The following SVIL variants were observed in gnomAD, a reference collection of about 807,000 sequenced individuals.
SVIL encodes archvillin.
A neutral mutation model predicts 240.4 loss-of-function variants in SVIL; 101 were observed. The observed-to-expected ratio is 0.42, with a 90% CI of 0.36 to 0.50. The LOEUF is 0.50. SVIL is among the 20% of genes least tolerant of loss of function. The pLI is 0.01. For missense variants in SVIL, 2,512 were observed against 2,818.7 expected, an observed-to-expected ratio of 0.89 and a Z score of 2.46; for synonymous variants, 999 against 1,100.0, an observed-to-expected ratio of 0.91 and a Z score of 1.82.
In SVIL at chr10:29,500,849, C is replaced by G. The variant is rs144610784; in HGVS notation, c.3517-1586G>C. On this transcript the variant is annotated intron_variant, in intron 17 of 37. Coordinates refer to ENST00000355867, the MANE Select transcript of SVIL (RefSeq NM_021738.3). ...CACTATGGCAAACCACTTCCCTTCA[C>G]TGACCCACGAGAGAGAACTTCCTGA... Among the ~76,000 whole-genome samples, 336 of 152,292 alleles carry G rather than the reference C, an allele frequency of 2.2e-3. 5 individuals carry two copies. The South Asian group carries it at 0.025, about 11-fold the overall frequency.
At chr10:29,476,663 C>A (rs961801769) in intron 29 of SVIL, among the ~76,000 whole-genome samples, 1 of 152,156 alleles carries the variant, frequency 6.6e-6, no homozygotes, top group Non-Finnish European at 1.5e-5. Flanking sequence ...CCTCAGCTTC[C>A]CAAAACTCTG....
intron 1 of SVIL, among the ~76,000 whole-genome samples, chr10:29,584,069 G>T (rs1436596486): frequency 2.6e-5 from 4 of 152,218 alleles, no homozygotes; most frequent in African/African-American, 4.8e-5. Context: ...TGAGTGTGAC[G>T]AAGGAAGGCT....
rs1588851004 is a variant in SVIL at position 29,471,362 on chromosome 10, G to A, written c.5530-119C>T. On this transcript the variant is annotated intron_variant, in intron 30 of 37. Coordinates refer to ENST00000355867, the MANE Select transcript of SVIL (RefSeq NM_021738.3). ...CCAAGACGTACAAACAAAAGCCATT[G>A]CTAACACTACCACCTAAAGAGAAGC... 4.0e-6 allele frequency: 3 copies of A among 745,216 alleles called. No individual in the cohort carries two copies. The East Asian group carries it at 8.4e-5, about 21-fold the overall frequency. The allele number at this position is 745,216 out of a possible 1,614,324, so 46.2% of individuals were successfully genotyped here. A position where few individuals can be genotyped will look rare whatever the true frequency, so the allele number is the denominator to read the frequency against.
chr10:29,491,207 G>C (rs1344347681), intron 21 of SVIL, among the ~76,000 whole-genome samples, 188 bp from the exon 22 acceptor site: 1 of 152,174 alleles, frequency 6.6e-6, no homozygotes, highest in Non-Finnish European at 1.5e-5. Context: ...AGCCCACTGA[G>C]TTCAAATCTC....
intron 1 of SVIL, among the ~76,000 whole-genome samples, chr10:29,689,573 C>G (rs878896347): frequency 1.2e-4 from 19 of 152,338 alleles, no homozygotes; most frequent in Admixed American, 3.3e-4. Context: ...CGCGAGCCAC[C>G]GCGCCCAGCC....
intron 1 of SVIL, among the ~76,000 whole-genome samples, chr10:29,721,427 T>G (rs1963972516): frequency 6.6e-6 from 1 of 151,558 alleles, no homozygotes; most frequent in African/African-American, 2.4e-5. Context: ...CTAATTTTCA[T>G]ATTGGGGAAA....
chr10:29,607,990 C>G (rs939168722), intron 1 of SVIL, among the ~76,000 whole-genome samples: 1 of 152,204 alleles, frequency 6.6e-6, no homozygotes, highest in Admixed American at 6.5e-5. Flanking sequence ...AATGTAGATG[C>G]GCTGCAAGAC....
At chr10:29,564,770 A>G (rs1954827274) in intron 2 of SVIL, among the ~76,000 whole-genome samples, 1 of 152,198 alleles carries the variant, frequency 6.6e-6, no homozygotes, top group African/African-American at 2.4e-5. Context: ...GTGTGTTCAC[A>G]TTATTTAATG....
chr10:29,570,757 C>CT lies in SVIL; in HGVS notation c.-200-1446dup, dbSNP rs1471529239. Among the ~76,000 whole-genome samples the CT allele has an allele frequency of 3.3e-5, 5 of 152,166 alleles. No individual in the cohort carries two copies. In the East Asian group the frequency reaches 9.6e-4, roughly 29 times the overall value. On this transcript the variant is annotated intron_variant, in intron 1 of 37. Transcript: ENST00000355867. The stretch of plus-strand genomic sequence containing the variant: ...AAAGGTTTCAGTGGTTTAGTAGTAA[C>CT]TTTAACTTATTAAGGGAAAACAAAT...
intron 15 of SVIL, 86 bp from the exon 16 acceptor site, chr10:29,522,721 G>T (rs1950642811): frequency 6.9e-7 from 1 of 1,440,572 alleles, no homozygotes; most frequent in Non-Finnish European, 9.4e-7. Context: ...CAGCTCTCAG[G>T]GTTCAATCCG....
At position 29,640,757 on chromosome 10, in the gene SVIL, T is replaced by C. The variant is rs997686702; in HGVS notation, c.-201+17212A>G. Among the ~76,000 whole-genome samples the C allele has an allele frequency of 3.9e-5, 6 of 152,156 alleles. No individual in the cohort carries two copies. The South Asian group carries it at 1.2e-3, about 32-fold the overall frequency. ...CCTCGGTTCCTGCCTTTAACCTTCC[T>C]CTCTCCTTCCACCCCATTGATGTTC... On this transcript the variant is annotated intron_variant, in intron 3 of 35. Transcript: ENST00000375400.
intron 18 of SVIL, among the ~76,000 whole-genome samples, chr10:29,495,996 A>G (rs1279976542): frequency 6.6e-6 from 1 of 152,212 alleles, no homozygotes; most frequent in Non-Finnish European, 1.5e-5. Context: ...TGTTCTCTGT[A>G]CTCATTTGTA....
chr10:29,528,223 T>C (rs957590102), intron 12 of SVIL, among the ~76,000 whole-genome samples: 1 of 152,160 alleles, frequency 6.6e-6, no homozygotes, highest in African/African-American at 2.4e-5. Flanking sequence ...AAAGAGTTCC[T>C]AATGAGTGCA....
intron 3 of SVIL, among the ~76,000 whole-genome samples, chr10:29,653,549 A>G (rs1009207374): frequency 6.6e-6 from 1 of 152,162 alleles, no homozygotes; most frequent in African/African-American, 2.4e-5. Flanking sequence ...TTTGCTGCAC[A>G]AAGTTTTCTA....
At chr10:29,524,169 T>C (rs1345706264) in intron 14 of SVIL, 142 bp from the exon 15 acceptor site, 1 of 979,792 alleles carries the variant, frequency 1.0e-6, no homozygotes, top group Non-Finnish European at 1.5e-6. Flanking sequence ...TTCCTGGACA[T>C]AGTTATATAA....
At chr10:29,709,566 G>A (rs142819749) in intron 1 of SVIL, among the ~76,000 whole-genome samples, 1 of 152,152 alleles carries the variant, frequency 6.6e-6, no homozygotes, top group African/African-American at 2.4e-5. Context: ...GAGAGTGCTG[G>A]AGAAGTCGTG....
chr10:29,682,622 GAT>G (rs1960750293), intron 2 of SVIL, among the ~76,000 whole-genome samples: 1 of 152,322 alleles, frequency 6.6e-6, no homozygotes, highest in South Asian at 2.1e-4. Flanking sequence ...AGGACAAAAT[GAT>G]GTTGCATTTA....
At chr10:29,473,040 T>C (rs1025508110) in intron 30 of SVIL, among the ~76,000 whole-genome samples, 9 of 152,084 alleles carry the variant, frequency 5.9e-5, no homozygotes, top group Non-Finnish European at 1.2e-4. Flanking sequence ...AGGGGAAGTT[T>C]CCAGACAGTG....
chr10:29,542,805 T>G (rs1952284350), intron 6 of SVIL, among the ~76,000 whole-genome samples: 1 of 152,248 alleles, frequency 6.6e-6, no homozygotes, highest in Non-Finnish European at 1.5e-5. Context: ...GCTGGACATT[T>G]GAATATCCTT....
Sources: gnomAD v4.1 joint callset for allele counts (sites outside exome capture counted in the v4.1 genomes callset) on GRCh38, gnomAD v4.1.1 for gene constraint, MANE v1.5 for transcripts, NCBI Gene and HGNC (gene_info 2026-07-23, HGNC 2026-07-21) for gene names.